The following PLIN3 variants were observed in gnomAD, a reference collection of about 807,000 sequenced individuals.
PLIN3 encodes perilipin 3, also known as perilipin-3.
In PLIN3, 30 loss-of-function variants were observed where a neutral mutation model predicts 35.9. The ratio of observed to expected loss-of-function variants is 0.84; its 90% CI spans 0.62 to 1.13. The LOEUF (loss-of-function observed/expected upper bound fraction) is 1.13. PLIN3 is among the 50% of genes most tolerant of loss of function. The pLI, the probability that PLIN3 is intolerant of heterozygous loss-of-function variation, is 0.00. For missense variants in PLIN3, 603 were observed against 596.9 expected (o/e 1.01, Z -0.11); for synonymous variants, 261 against 262.5 (o/e 0.99, Z 0.06).
chr19:4,865,310 G>A (rs1306911643), intron 1 of PLIN3, among the ~76,000 whole-genome samples: 3 of 151,928 alleles, frequency 2.0e-5, no homozygotes, highest in Non-Finnish European at 2.9e-5. Flanking sequence ...CCAACATGGT[G>A]AAACCCCATC....
chr19:4,861,246 C>G, intron 2 of PLIN3, 83 bp downstream of exon 2: 1 of 1,245,660 alleles, frequency 8.0e-7, no homozygotes, highest in South Asian at 1.2e-5. Flanking sequence ...CCCTGGCTCC[C>G]TGCCAGGGCA....
intron 4 of PLIN3, among the ~76,000 whole-genome samples, chr19:4,855,425 G>A (rs537617207): frequency 2.9e-4 from 44 of 152,150 alleles, no homozygotes; most frequent in Middle Eastern, 6.8e-3. Flanking sequence ...CCTGGTTGAC[G>A]TTTCCCATCT....
intron 1 of PLIN3, among the ~76,000 whole-genome samples, chr19:4,862,017 C>T (rs2146215868): frequency 6.6e-6 from 1 of 151,790 alleles, no homozygotes; most frequent in Admixed American, 6.6e-5. Flanking sequence ...CAGCTCACTG[C>T]AGCCTCTAAC....
intron 4 of PLIN3, among the ~76,000 whole-genome samples, chr19:4,853,929 GT>G (rs1418388815): frequency 3.5e-5 from 4 of 113,708 alleles, no homozygotes; most frequent in African/African-American, 1.2e-4. Flanking sequence ...TCGAATCTAA[GT>G]CTTTTTTTTT....
At chr19:4,858,408 C>T (rs1346590384) in intron 4 of PLIN3, among the ~76,000 whole-genome samples, 1 of 151,316 alleles carries the variant, frequency 6.6e-6, no homozygotes, top group Non-Finnish European at 1.5e-5. Context: ...GACAGAGTCT[C>T]GCTCTGTCGC....
Position 4,844,732 on chromosome 19 carries a change from T to C in PLIN3, c.896A>G (p.Gln299Arg). The change falls in exon 7 of 8, where the codon CAG (glutamine) becomes CGG (arginine). Residue 299 changes from glutamine (Q) to arginine (R), a missense_variant. Transcript: ENST00000221957. ...CTTCTGGTTCCAGCTGAGCCACATC[T>C]GGTGCAGCTTCTCCTGGCCTTCCAC... is the stretch of plus-strand genomic sequence containing the variant. Reference protein sequence around the residue: ...KLVEGQEKLHQMWLSWNQKQL... With the variant: ...KLVEGQEKLHRMWLSWNQKQL... 6.2e-7 allele frequency: 1 copy of C among 1,605,808 alleles called. No individual in the cohort carries two copies. The highest frequency in any genetic ancestry group is 1.3e-5 in the African/African-American group (1 of 74,926).
At chr19:4,860,269 C>A (rs946450393) in intron 2 of PLIN3, among the ~76,000 whole-genome samples, 2 of 152,064 alleles carry the variant, frequency 1.3e-5, no homozygotes, top group Non-Finnish European at 2.9e-5. Context: ...TGCACTGATG[C>A]GATCTCAGCT....
chr19:4,848,975 CT>C (rs756160609), intron 5 of PLIN3, among the ~76,000 whole-genome samples: 1 of 151,840 alleles, frequency 6.6e-6, no homozygotes, highest in Admixed American at 6.6e-5. Context: ...ACTTTTTCTT[CT>C]TTTTTTTAGA....
intron 4 of PLIN3, among the ~76,000 whole-genome samples, chr19:4,853,424 C>T (rs1224728094): frequency 6.6e-6 from 1 of 152,000 alleles, no homozygotes; most frequent in Non-Finnish European, 1.5e-5. Flanking sequence ...CACGTGGGTT[C>T]AGGTGATTCT....
rs748324180 is a variant in PLIN3 at position 4,852,269 on chromosome 19, AGAC to A, written c.378_380del (p.Ser127del). 25 of 1,604,748 alleles carry A rather than the reference AGAC, an allele frequency of 1.6e-5. No homozygotes were observed. The highest frequency in any genetic ancestry group is 2.1e-5 in the Non-Finnish European group (25 of 1,179,950). The stretch of plus-strand genomic sequence containing the variant: ...CCATCTCTTGGGCCCCCGACACCTT[AGAC>A]GACACAAGCTCCTTGGTGTCCGCCA... On this transcript the variant is annotated inframe_deletion, in exon 5 of 8. Transcript: ENST00000221957.
chr19:4,863,758 G>A (rs1314619143), intron 1 of PLIN3, among the ~76,000 whole-genome samples: 1 of 151,276 alleles, frequency 6.6e-6, no homozygotes, highest in East Asian at 2.0e-4. Flanking sequence ...AACCCAGGAG[G>A]TGGAGGTTGC....
chr19:4,840,600 T>C (rs938189597), intron 7 of PLIN3, among the ~76,000 whole-genome samples: 3 of 152,042 alleles, frequency 2.0e-5, no homozygotes, highest in African/African-American at 4.8e-5. Flanking sequence ...AAAGAAGATA[T>C]AGGGAGAGCA....
At chr19:4,856,059 T>A (rs960865127) in intron 4 of PLIN3, among the ~76,000 whole-genome samples, 1 of 151,940 alleles carries the variant, frequency 6.6e-6, no homozygotes, top group Non-Finnish European at 1.5e-5. Flanking sequence ...AGGCACTCAA[T>A]AGCAAGTGGA....
At chr19:4,841,058 A>C (rs1269407064) in intron 7 of PLIN3, among the ~76,000 whole-genome samples, 1 of 152,206 alleles carries the variant, frequency 6.6e-6, no homozygotes. Context: ...TTACTTTGGA[A>C]AACAGTCTAG....
At chr19:4,849,398 C>T (rs889155009) in intron 5 of PLIN3, among the ~76,000 whole-genome samples, 8 of 151,844 alleles carry the variant, frequency 5.3e-5, no homozygotes, top group African/African-American at 1.7e-4. Flanking sequence ...GCCTTGAACT[C>T]CCAGGCTCAA....
At position 4,838,818 on chromosome 19, in the gene PLIN3, T is replaced by G. The variant is rs1599153766; in HGVS notation, c.*374A>C. On this transcript the variant is annotated 3_prime_UTR_variant, in exon 8 of 8. Coordinates refer to ENST00000221957, the MANE Select transcript of PLIN3 (RefSeq NM_005817.5). ...CTGGTCTCGAACACCTGACCTCAGGTGTTCCGCCCGCCTCAGCCTCCCAAA... is the reference window on the plus strand; with the variant it reads ...CTGGTCTCGAACACCTGACCTCAGGGGTTCCGCCCGCCTCAGCCTCCCAAA... 1 of 156,178 alleles carries G rather than the reference T, an allele frequency of 6.4e-6. No homozygotes were observed. Among genetic ancestry groups the G allele is most frequent in the African/African-American group, 2.4e-5 (1 of 41,500 alleles). The allele number at this position is 156,178 out of a possible 1,614,324, so 9.7% of individuals were successfully genotyped here.
At position 4,847,747 on chromosome 19, in the gene PLIN3, C is replaced by T. The variant is rs1225285715; in HGVS notation, c.778G>A (p.Ala260Thr). ...AYEHSLGKLR[A>T]TKQRAQEALL... ...GCCTCCTGTGCCCTCTGCTTGGTGG[C>T]TCGAAGCTTGCCCAGCGAGTGCTCA... Residue 260 changes from alanine to threonine, a missense_variant, in exon 6 of 8, where the codon GCC becomes ACC. By Grantham distance (58) the Ala-to-Thr change is moderately conservative. Coordinates refer to ENST00000221957, the MANE Select transcript of PLIN3 (RefSeq NM_005817.5). The T allele has an allele frequency of 1.9e-6, 3 of 1,612,222 alleles. No homozygotes were observed. Among genetic ancestry groups the T allele is most frequent in the Admixed American group, 3.3e-5 (2 of 59,714 alleles).
At chr19:4,865,025 A>C (rs1295399544) in intron 1 of PLIN3, among the ~76,000 whole-genome samples, 1 of 151,906 alleles carries the variant, frequency 6.6e-6, no homozygotes. Context: ...CACTGTCTCT[A>C]CTAAAAATAC....
At chr19:4,842,998 A>C (rs1000533006) in intron 7 of PLIN3, among the ~76,000 whole-genome samples, 1 of 151,900 alleles carries the variant, frequency 6.6e-6, no homozygotes, top group Admixed American at 6.6e-5. Flanking sequence ...ATGTGGGCGG[A>C]TCACCTGCGG....
Sources: gnomAD v4.1 joint callset for allele counts (sites outside exome capture counted in the v4.1 genomes callset) on GRCh38, gnomAD v4.1.1 for gene constraint, MANE v1.5 for transcripts, NCBI Gene and HGNC (gene_info 2026-07-23, HGNC 2026-07-21) for gene names.